Variants in ZNF205 observed in about 807,000 individuals in gnomAD.
ZNF205 encodes zinc finger protein 205.
A neutral mutation model predicts 53.6 loss-of-function variants in ZNF205; 32 were observed. The ratio of observed to expected loss-of-function variants is 0.60; its 90% confidence interval spans 0.45 to 0.80. The LOEUF is 0.80. Among genes scored for constraint, ZNF205 ranks in the 30% least tolerant of loss-of-function variants. The pLI is 0.00. For synonymous variants in ZNF205, 382 were observed against 334.3 expected, an observed-to-expected ratio of 1.14 and a Z score of -1.56; for missense variants, 836 against 782.4, an observed-to-expected ratio of 1.07 and a Z score of -0.82.
chr16:3,116,013 G>A (rs1183757970), intron 4 of ZNF205, 93 bp downstream of exon 4: 2 of 1,346,012 alleles, frequency 1.5e-6, no homozygotes, highest in East Asian at 2.5e-5. Context: ...GGCCCCACTT[G>A]CAGCCAAGCC....
intron 5 of ZNF205, 147 bp from the exon 6 acceptor site, chr16:3,118,758 C>T: frequency 1.2e-6 from 1 of 804,044 alleles, no homozygotes. Flanking sequence ...GACCCCCGAC[C>T]CAGGGGGCCT....
At position 3,120,337 on chromosome 16, in the gene ZNF205, A is replaced by T; in HGVS notation, c.*12A>T. ...CCGCTCCCACCTAGGAGGCCAGGAA[A>T]GGGGGAGCGGGGCGCCCAGGGCCAC... On this transcript the variant is annotated 3_prime_UTR_variant, in exon 7 of 7. Transcript: ENST00000219091. 6 of 1,506,366 alleles carry T rather than the reference A, an allele frequency of 4.0e-6. No homozygotes were observed. Among genetic ancestry groups the T allele is most frequent in the Non-Finnish European group, 5.3e-6 (6 of 1,137,082 alleles). The allele number at this position is 1,506,366 out of a possible 1,614,324, so 93.3% of individuals were successfully genotyped here.
In ZNF205 at chr16:3,118,979, G is replaced by A. The variant is rs763810471; in HGVS notation, c.559G>A (p.Ala187Thr). The change falls in exon 6 of 7, where the codon GCA becomes ACA. Residue 187 changes from alanine to threonine, a missense_variant. Coordinates refer to ENST00000219091, the MANE Select transcript of ZNF205 (RefSeq NM_001042428.2). Reference protein sequence around the residue: ...KGEASGSSRQAGDEKEWRGAC... With the variant: ...KGEASGSSRQTGDEKEWRGAC... Reference sequence around the variant, plus strand: ...TGAGGCCTCGGGCTCCAGCCGGCAGGCAGGAGATGAGAAGGAGTGGAGAGG... The same window carrying A: ...TGAGGCCTCGGGCTCCAGCCGGCAGACAGGAGATGAGAAGGAGTGGAGAGG... 5.6e-6 allele frequency: 9 copies of A among 1,613,730 alleles called. No individual in the cohort carries two copies. The highest frequency in any genetic ancestry group is 7.6e-6 in the Non-Finnish European group (9 of 1,179,982).
In ZNF205 at chr16:3,115,545, A is replaced by C; in HGVS notation, c.248A>C (p.Lys83Thr). The change falls in exon 3 of 7, where the codon AAA (lysine) becomes ACA (threonine). Residue 83 changes from lysine to threonine, a missense_variant. Coordinates refer to ENST00000219091, the MANE Select transcript of ZNF205 (RefSeq NM_001042428.2). The stretch of plus-strand genomic sequence containing the variant: ...CCCCTAAGTCACGGCTCTAAGGAGA[A>C]AGCTCTCTTCCTGCCTGGCGGAGGT... ...WAPLSHGSKE[K>T]ALFLPGGALP... The C allele has an allele frequency of 6.3e-7, 1 of 1,594,432 alleles. No individual in the cohort carries two copies. The highest frequency in any genetic ancestry group is 8.5e-7 in the Non-Finnish European group (1 of 1,173,366).
At position 3,120,066 on chromosome 16, in the gene ZNF205, C is replaced by A; in HGVS notation, c.1406C>A (p.Thr469Lys). The A allele has an allele frequency of 6.2e-7, 1 of 1,612,846 alleles. No homozygotes were observed. The highest frequency in any genetic ancestry group is 8.5e-7 in the Non-Finnish European group (1 of 1,179,620). The change falls in exon 7 of 7, where the codon ACA (threonine) becomes AAA (lysine). Residue 469 changes from threonine to lysine, a missense_variant. Transcript: ENST00000219091. ...QRSNLIAHNR[T>K]HTGEKPYHCL... ...TCCAACCTCATCGCGCACAACCGCA[C>A]ACACACAGGCGAGAAGCCCTACCAC...
intron 6 of ZNF205, 32 bp downstream of exon 6, chr16:3,119,047 G>A: frequency 6.2e-7 from 1 of 1,604,434 alleles, no homozygotes; most frequent in Non-Finnish European, 8.5e-7. Flanking sequence ...TTGTCTGCGG[G>A]AGTGGGGCGC....
At chr16:3,119,062 G>A (rs769993382) in intron 6 of ZNF205, 47 bp downstream of exon 6, 76 of 1,591,326 alleles carry the variant, frequency 4.8e-5, no homozygotes, top group Non-Finnish European at 2.1e-5. Context: ...GGGCGCAGAC[G>A]CAGGCCTTCT....
rs780007395 is a variant in ZNF205 at position 3,115,409 on chromosome 16, G to T, written c.112G>T (p.Val38Leu). 1 of 1,609,896 alleles carries T rather than the reference G, an allele frequency of 6.2e-7. No homozygotes were observed. Among genetic ancestry groups the T allele is most frequent in the Non-Finnish European group, 8.5e-7 (1 of 1,178,110 alleles). Residue 38 changes from valine to leucine, a missense_variant, in exon 3 of 7, where the codon GTA becomes TTA. Val to Leu is a conservative substitution (Grantham distance 32). Coordinates refer to ENST00000219091, the MANE Select transcript of ZNF205 (RefSeq NM_001042428.2). The part of the protein sequence containing the change: ...QEMPSKLGEA[V>L]PSGDTQESLH... ...AATGCCTTCTAAGCTGGGGGAGGCG[G>T]TACCTTCAGGGGACACTCAGGAGTC...
chr16:3,116,326 TG>T, intron 4 of ZNF205, 100 bp from the exon 5 acceptor site: 1 of 1,541,292 alleles, frequency 6.5e-7, no homozygotes, highest in Non-Finnish European at 8.8e-7. Context: ...CTCGACACAG[TG>T]GGTTGGGAGT....
Position 3,119,195 on chromosome 16 carries a change from C to G in ZNF205, c.596-61C>G, listed in dbSNP as rs889934237. The G allele has an allele frequency of 2.6e-6, 4 of 1,525,356 alleles. No homozygotes were observed. In the African/African-American group the frequency reaches 5.6e-5, roughly 21 times the overall value. The allele number at this position is 1,525,356 out of a possible 1,614,324, so 94.5% of individuals were successfully genotyped here. ...GCCCCCACCCTTAGCTCTGCCTTCT[C>G]CACCCTCCTGGGGTCCTTAGGGAAG... On this transcript the variant is annotated intron_variant, in intron 6 of 6. Coordinates refer to ENST00000219091, the MANE Select transcript of ZNF205 (RefSeq NM_001042428.2).
Position 3,118,899 on chromosome 16 carries a change from G to C in ZNF205, c.485-6G>C. ...CTGTGACAGCACAGCATCTCTTTCT[G>C]GGCAGGCTTTCCCTTCAGCAGGCCT... On this transcript the variant is annotated splice_polypyrimidine_tract_variant and splice_region_variant and intron_variant, in intron 5 of 6. Coordinates refer to ENST00000219091, the MANE Select transcript of ZNF205 (RefSeq NM_001042428.2). 2 of 1,613,052 alleles carry C rather than the reference G, an allele frequency of 1.2e-6. No homozygotes were observed. Among genetic ancestry groups the C allele is most frequent in the African/African-American group, 1.3e-5 (1 of 75,042 alleles).
chr16:3,119,277 G>T lies in ZNF205; in HGVS notation c.617G>T (p.Arg206Met). 1 of 1,586,664 alleles carries T rather than the reference G, an allele frequency of 6.3e-7. No homozygotes were observed. The highest frequency in any genetic ancestry group is 1.1e-5 in the South Asian group (1 of 88,394). The change falls in exon 7 of 7, where the codon AGG becomes ATG. Residue 206 changes from arginine to methionine, a missense_variant. Arg to Met is a moderately conservative substitution (Grantham distance 91, BLOSUM62 -1). Coordinates refer to ENST00000219091, the MANE Select transcript of ZNF205 (RefSeq NM_001042428.2). ...ACTGAVEVGQ[R>M]VQTSSVAALG... ...CCAGGAGCCGTCGAGGTGGGGCAGA[G>T]GGTGCAGACCTCATCCGTGGCAGCC...
chr16:3,114,957 C>A (rs989337932), intron 2 of ZNF205: 6 of 159,562 alleles, frequency 3.8e-5, no homozygotes, highest in South Asian at 2.0e-4. Context: ...ATCTCAAGAT[C>A]TTTAACTTAC....
chr16:3,119,024 C>T lies in ZNF205; in HGVS notation c.595+9C>T, dbSNP rs753571878. 3 of 1,611,012 alleles carry T rather than the reference C, an allele frequency of 1.9e-6. No individual in the cohort carries two copies. Among genetic ancestry groups the T allele is most frequent in the East Asian group, 4.5e-5 (2 of 44,824 alleles). On this transcript the variant is annotated intron_variant, in intron 6 of 6. Coordinates refer to ENST00000219091, the MANE Select transcript of ZNF205 (RefSeq NM_001042428.2). ...GAGAGGCGCGTGCACAGGTGAGGGA[C>T]GGGCGCGCGCCTTTGTCTGCGGGAG...
At position 3,115,540 on chromosome 16, in the gene ZNF205, G is replaced by A. The variant is rs142004102; in HGVS notation, c.243G>A (p.Lys81=). Residue 81 remains lysine (K), a synonymous_variant, in exon 3 of 7, where the codon AAG becomes AAA. Transcript: ENST00000219091. ...WGWAPLSHGS[K]EKALFLPGGA... ...GGGCACCCCTAAGTCACGGCTCTAA[G>A]GAGAAAGCTCTCTTCCTGCCTGGCG... 100 of 1,595,794 alleles carry A rather than the reference G, an allele frequency of 6.3e-5. No individual in the cohort carries two copies. Among genetic ancestry groups the A allele is most frequent in the Admixed American group, 5.7e-4 (31 of 54,680 alleles).
At chr16:3,116,610 C>G in intron 5 of ZNF205, 63 bp downstream of exon 5, 1 of 1,558,280 alleles carries the variant, frequency 6.4e-7, no homozygotes, top group Non-Finnish European at 8.7e-7. Flanking sequence ...GCCGTCTCCT[C>G]TTTCCTCCCT....
rs1596298111 is a variant in ZNF205, at chr16:3,116,462, C to T, written c.399C>T (p.Leu133=). 6.2e-7 allele frequency: 1 copy of T among 1,614,094 alleles called. No homozygotes were observed. The highest frequency in any genetic ancestry group is 8.5e-7 in the Non-Finnish European group (1 of 1,180,032). ...CTTTCGAGGATGTGGCCTTGTACCT[C>T]TCCCGGGAGGAGTGGGGACGGCTGG... ...PVTFEDVALY[L]SREEWGRLDH... Residue 133 remains leucine, a synonymous_variant, in exon 5 of 7, where the codon CTC becomes CTT. Transcript: ENST00000219091.
At chr16:3,116,591 TCCTGCTCTGC>T in intron 5 of ZNF205, 44 bp downstream of exon 5, 1 of 1,593,988 alleles carries the variant, frequency 6.3e-7, no homozygotes. Context: ...TAGGGAGAGG[TCCTGCTCTGC>T]CGTCTCCTCT....
Position 3,119,905 on chromosome 16 carries a change from G to A in ZNF205, c.1245G>A (p.Thr415=), listed in dbSNP as rs764041760. 2.5e-6 allele frequency: 4 copies of A among 1,613,216 alleles called. No individual in the cohort carries two copies. The highest frequency in any genetic ancestry group is 3.4e-6 in the Non-Finnish European group (4 of 1,179,830). ...TGGTCACCCACCAGGGCACCCACACGGGCGCCAAGCCGCACAAGTGCCCCA... is the reference window on the plus strand; with the variant it reads ...TGGTCACCCACCAGGGCACCCACACAGGCGCCAAGCCGCACAAGTGCCCCA... The part of the protein sequence containing the change: ...SDLVTHQGTH[T]GAKPHKCPIC... Residue 415 remains threonine, a synonymous_variant, in exon 7 of 7, where the codon ACG becomes ACA. Transcript: ENST00000219091.
Sources: allele counts gnomAD v4.1 joint callset, GRCh38; gene constraint gnomAD v4.1.1; transcripts MANE v1.5; gene names NCBI Gene and HGNC (gene_info 2026-07-23, HGNC 2026-07-21).